PLOD2: variants seen among roughly 807,000 people sequenced by gnomAD.
The protein encoded by PLOD2 is lysine hydroxylase 2.
A neutral mutation model predicts 101.0 loss-of-function variants in PLOD2; 65 were observed. The observed-to-expected ratio is 0.64, with a 90% confidence interval of 0.53 to 0.79. The LOEUF is 0.79. Among genes scored for constraint, PLOD2 ranks in the 30% least tolerant of loss-of-function variants. PLOD2 has a pLI of 0.00. For synonymous variants in PLOD2, 314 were observed against 302.9 expected, an observed-to-expected ratio of 1.04 and a Z score of -0.38; for missense variants, 909 against 914.6, an observed-to-expected ratio of 0.99 and a Z score of 0.08.
At chr3:146,131,086 T>C (rs893526311) in intron 1 of PLOD2, among the ~76,000 whole-genome samples, 2 of 152,210 alleles carry the variant, frequency 1.3e-5, no homozygotes, top group Non-Finnish European at 2.9e-5. Context: ...AGAAAAGTTA[T>C]GGGCACTGAA....
At chr3:146,160,685 G>A (rs2032530873) in intron 1 of PLOD2, 196 bp downstream of exon 1, 1 of 559,544 alleles carries the variant, frequency 1.8e-6, no homozygotes, top group Admixed American at 3.2e-5. Context: ...GAGTCAACGA[G>A]GGCGGGTGCC....
chr3:146,142,192 A>G (rs1380386235), intron 1 of PLOD2, among the ~76,000 whole-genome samples: 1 of 152,176 alleles, frequency 6.6e-6, no homozygotes, highest in East Asian at 1.9e-4. Context: ...GCTATTATCT[A>G]CTGATATTTA....
intron 1 of PLOD2, among the ~76,000 whole-genome samples, chr3:146,124,439 T>C (rs1475921135): frequency 1.3e-5 from 2 of 152,128 alleles, no homozygotes; most frequent in Admixed American, 6.6e-5. Context: ...ATGACAATTA[T>C]TTCAACGCAA....
chr3:146,089,314 T>A (rs1936895845), intron 8 of PLOD2, among the ~76,000 whole-genome samples: 2 of 151,490 alleles, frequency 1.3e-5, no homozygotes, highest in Admixed American at 6.6e-5. Context: ...TGGTGTGGAG[T>A]TTATCCTTCA....
chr3:146,152,609 A>G (rs2032112600), intron 1 of PLOD2, among the ~76,000 whole-genome samples: 1 of 152,182 alleles, frequency 6.6e-6, no homozygotes, highest in Non-Finnish European at 1.5e-5. Context: ...AGTGGTAGGA[A>G]GAAGTGAGGA....
Position 146,110,339 on chromosome 3 carries a change from G to T in PLOD2, c.448C>A (p.Leu150Ile). The change falls in exon 4 of 20, where the codon CTA becomes ATA. Residue 150 changes from leucine (L) to isoleucine (I), a missense_variant. Leu to Ile is a conservative substitution (Grantham distance 5, BLOSUM62 2). Transcript: ENST00000282903. Reference sequence around the variant, plus strand: ...TGCACAACAGGATACTTGTCTGCTAGTCTTTTATCTGGCCACAAAATTCCA... The same window carrying T: ...TGCACAACAGGATACTTGTCTGCTATTCTTTTATCTGGCCACAAAATTCCA... ...ADGILWPDKR[L>I]ADKYPVVHIG... 6.2e-7 allele frequency: 1 copy of T among 1,613,786 alleles called. No individual in the cohort carries two copies. The highest frequency in any genetic ancestry group is 1.7e-5 in the Admixed American group (1 of 60,004).
chr3:146,142,139 GTATT>G (rs1397261956), intron 1 of PLOD2, among the ~76,000 whole-genome samples: 2 of 152,028 alleles, frequency 1.3e-5, no homozygotes, highest in African/African-American at 2.4e-5. Flanking sequence ...GATGAGAAAA[GTATT>G]TATCCCTTGA....
At chr3:146,088,508 T>C in intron 9 of PLOD2, 78 bp downstream of exon 9, 1 of 1,036,748 alleles carries the variant, frequency 9.6e-7, no homozygotes, top group Non-Finnish European at 1.5e-6. Flanking sequence ...ATGAATTTTA[T>C]TTGACATAAA....
At chr3:146,091,945 A>T in intron 7 of PLOD2, 44 bp from the exon 8 acceptor site, 5 of 1,004,788 alleles carry the variant, frequency 5.0e-6, no homozygotes, top group Non-Finnish European at 8.0e-6. Flanking sequence ...CAGGCCTCTC[A>T]TCGGTGTGGT....
chr3:146,120,288 C>G (rs1264426251), intron 3 of PLOD2, among the ~76,000 whole-genome samples: 1 of 151,962 alleles, frequency 6.6e-6, no homozygotes, highest in Non-Finnish European at 1.5e-5. Context: ...TTTGATGGCC[C>G]TATTTGTTTT....
At chr3:146,102,021 C>T (rs1196450492) in intron 7 of PLOD2, among the ~76,000 whole-genome samples, 1 of 152,214 alleles carries the variant, frequency 6.6e-6, no homozygotes. Flanking sequence ...AGATCACTCA[C>T]TCCTCTGGAA....
chr3:146,133,813 T>C (rs2031068957), intron 1 of PLOD2, among the ~76,000 whole-genome samples: 1 of 152,108 alleles, frequency 6.6e-6, no homozygotes, highest in Non-Finnish European at 1.5e-5. Flanking sequence ...TGGGCCTTAC[T>C]TGAATACAAA....
At chr3:146,087,315 T>C (rs989709395) in intron 9 of PLOD2, among the ~76,000 whole-genome samples, 4 of 151,896 alleles carry the variant, frequency 2.6e-5, no homozygotes, top group East Asian at 1.9e-4. Context: ...AGAAAAAATG[T>C]CTACTAAGCA....
At chr3:146,073,947 C>A (rs1936241633) in intron 15 of PLOD2, among the ~76,000 whole-genome samples, 1 of 151,154 alleles carries the variant, frequency 6.6e-6, no homozygotes, top group Admixed American at 6.6e-5. Context: ...AAAATTTCTG[C>A]CTTCACTTCA....
intron 1 of PLOD2, among the ~76,000 whole-genome samples, chr3:146,143,072 T>C (rs1170678337): frequency 6.6e-6 from 1 of 152,106 alleles, no homozygotes; most frequent in Non-Finnish European, 1.5e-5. Flanking sequence ...CACTGCTCAG[T>C]GCATCACAGC....
chr3:146,080,372 A>G (rs1936494681), intron 12 of PLOD2, among the ~76,000 whole-genome samples: 1 of 152,106 alleles, frequency 6.6e-6, no homozygotes, highest in Non-Finnish European at 1.5e-5. Context: ...CTCTATCTCA[A>G]CATATCTTCG....
intron 1 of PLOD2, among the ~76,000 whole-genome samples, chr3:146,128,640 A>T (rs1017607237): frequency 2.0e-5 from 3 of 152,148 alleles, no homozygotes; most frequent in African/African-American, 7.2e-5. Context: ...CAAGAAGTCA[A>T]TTTGTTTAGA....
At chr3:146,133,484 C>A (rs1197207949) in intron 1 of PLOD2, among the ~76,000 whole-genome samples, 1 of 152,118 alleles carries the variant, frequency 6.6e-6, no homozygotes, top group Non-Finnish European at 1.5e-5. Flanking sequence ...GCCCTCATCA[C>A]CCCTATACCT....
At chr3:146,109,328 G>A (rs1576601022) in intron 4 of PLOD2, among the ~76,000 whole-genome samples, 1 of 152,200 alleles carries the variant, frequency 6.6e-6, no homozygotes, top group African/African-American at 2.4e-5. Context: ...AAATCTATAT[G>A]AGCTATCAAA....
Sources: allele counts gnomAD v4.1 joint callset (sites outside exome capture counted in the v4.1 genomes callset), GRCh38; gene constraint gnomAD v4.1.1; transcripts MANE v1.5; gene names NCBI Gene and HGNC (gene_info 2026-07-23, HGNC 2026-07-21).